ADARB2: variants seen among roughly 807,000 people sequenced by gnomAD.
The protein encoded by ADARB2 is inactive double-stranded RNA-specific editase B2.
ADARB2 carries 25 observed loss-of-function variants against 62.2 expected under a neutral mutation model. The ratio of observed to expected loss-of-function variants is 0.40; its 90% CI spans 0.29 to 0.56. The LOEUF is 0.56. ADARB2 is among the 20% of genes least tolerant of loss of function. The pLI, the probability that ADARB2 is intolerant of heterozygous loss-of-function variation, is 0.43. For synonymous variants in ADARB2, 572 were observed against 500.8 expected (o/e 1.14, Z -1.90); for missense variants, 1,071 against 1,077.4 (o/e 0.99, Z 0.08).
chr10:1,373,761 GCACCTTTCCTAATGAGACCACGTGGA>G (rs1832395374), intron 2 of ADARB2, among the ~76,000 whole-genome samples: 1 of 73,196 alleles, frequency 1.4e-5, no homozygotes, highest in South Asian at 4.1e-4. Context: ...TGGACTCCAT[GCACCTTTCCTAATGAGACCACGTGGA>G]CTCCGCGCAC....
At chr10:1,443,980 T>C (rs111643614) in intron 1 of ADARB2, among the ~76,000 whole-genome samples, 13 of 151,574 alleles carry the variant, frequency 8.6e-5, no homozygotes, top group African/African-American at 3.2e-4. Flanking sequence ...CATCCATCCA[T>C]CCACCCACTC....
Position 1,250,319 on chromosome 10 carries a change from G to A in ADARB2, c.1193-8020C>T, listed in dbSNP as rs1274641650. ...AGTGTGGCGGTGTTGGGGGGTGATGGGACCTAGTGGGAGGTGTTTGGGTCA... is the reference window on the plus strand; with the variant it reads ...AGTGTGGCGGTGTTGGGGGGTGATGAGACCTAGTGGGAGGTGTTTGGGTCA... On this transcript the variant is annotated intron_variant, in intron 4 of 9. Transcript: ENST00000381312. Among the ~76,000 whole-genome samples, 6 of 152,166 alleles carry A rather than the reference G, an allele frequency of 3.9e-5. No homozygotes were observed. The East Asian group carries it at 1.2e-3, about 30-fold the overall frequency.
intron 1 of ADARB2, among the ~76,000 whole-genome samples, chr10:1,649,966 G>T (rs755156552): frequency 5.9e-5 from 9 of 152,218 alleles, no homozygotes; most frequent in Non-Finnish European, 1.2e-4. Context: ...AGGACCTGGA[G>T]GTCCTGCTTC....
intron 1 of ADARB2, among the ~76,000 whole-genome samples, chr10:1,627,647 G>A (rs1233419227): frequency 6.6e-6 from 1 of 152,188 alleles, no homozygotes; most frequent in Non-Finnish European, 1.5e-5. Flanking sequence ...CATAAGAAAT[G>A]GAGATGCAGA....
chr10:1,265,562 G>A (rs956260831), intron 4 of ADARB2, among the ~76,000 whole-genome samples: 3 of 148,024 alleles, frequency 2.0e-5, no homozygotes, highest in South Asian at 2.1e-4. Context: ...AGGCTCTCCC[G>A]GAAGACGGCC....
intron 1 of ADARB2, among the ~76,000 whole-genome samples, chr10:1,720,494 T>C (rs78856579): frequency 0.025 from 3,738 of 152,274 alleles, 128 homozygotes; most frequent in East Asian, 0.16. Context: ...AACTCACACA[T>C]GTTAACTGAA....
chr10:1,473,247 C>A (rs1461968450), intron 1 of ADARB2, among the ~76,000 whole-genome samples: 3 of 152,234 alleles, frequency 2.0e-5, no homozygotes, highest in Non-Finnish European at 4.4e-5. Flanking sequence ...GCCTCGGTCT[C>A]TTCTTCTGCC....
At chr10:1,561,548 G>A (rs1832786409) in intron 1 of ADARB2, among the ~76,000 whole-genome samples, 1 of 152,198 alleles carries the variant, frequency 6.6e-6, no homozygotes, top group African/African-American at 2.4e-5. Context: ...TGTTCACCCA[G>A]GCTGAGAACC....
At chr10:1,721,970 C>T (rs544645812) in intron 1 of ADARB2, among the ~76,000 whole-genome samples, 8 of 152,118 alleles carry the variant, frequency 5.3e-5, no homozygotes, top group South Asian at 4.2e-4. Flanking sequence ...CACCAAGAAT[C>T]GGGGATTTGT....
At chr10:1,655,491 G>T (rs1422382075) in intron 1 of ADARB2, among the ~76,000 whole-genome samples, 1 of 152,186 alleles carries the variant, frequency 6.6e-6, no homozygotes, top group Non-Finnish European at 1.5e-5. Flanking sequence ...TACCTAATTT[G>T]CTATTGATTA....
chr10:1,513,134 A>G (rs1283475888), intron 1 of ADARB2, among the ~76,000 whole-genome samples: 5 of 152,220 alleles, frequency 3.3e-5, no homozygotes, highest in Admixed American at 6.5e-5. Flanking sequence ...GTTTGACTGT[A>G]GTGTTCATTT....
chr10:1,453,553 C>T (rs543952827), intron 1 of ADARB2, among the ~76,000 whole-genome samples: 3 of 152,176 alleles, frequency 2.0e-5, no homozygotes, highest in African/African-American at 7.2e-5. Flanking sequence ...GTACCCTTTT[C>T]GAAAAGGCAA....
chr10:1,558,885 G>A (rs1318745384), intron 1 of ADARB2, among the ~76,000 whole-genome samples: 2 of 152,208 alleles, frequency 1.3e-5, no homozygotes, highest in African/African-American at 2.4e-5. Context: ...AGCATAACAT[G>A]CATGTGTTTC....
Position 1,332,408 on chromosome 10 carries a change from C to T in ADARB2, c.1077+30620G>A, listed in dbSNP as rs546279299. Among the ~76,000 whole-genome samples the T allele has an allele frequency of 2.1e-5, 3 of 142,056 alleles. No individual in the cohort carries two copies. The South Asian group carries it at 6.7e-4, about 32-fold the overall frequency. 93.2% of individuals were successfully genotyped at this position (142,056 alleles called of 152,430 possible). On this transcript the variant is annotated intron_variant, in intron 3 of 9. Transcript: ENST00000381312. ...TCCAGTCTGGGTGATGGAGTGAGAC[C>T]TTGTCTCAGAAAAAAAAAAAAAATA...
chr10:1,317,526 G>C (rs757907229), intron 3 of ADARB2, among the ~76,000 whole-genome samples: 4 of 152,096 alleles, frequency 2.6e-5, no homozygotes, highest in Non-Finnish European at 4.4e-5. Context: ...GGCTCTGGGA[G>C]AGTCTTATAT....
At chr10:1,667,958 G>T (rs1031931460) in intron 1 of ADARB2, among the ~76,000 whole-genome samples, 2 of 152,204 alleles carry the variant, frequency 1.3e-5, no homozygotes, top group African/African-American at 4.8e-5. Flanking sequence ...AATATGTTGG[G>T]TGAGAACATT....
At chr10:1,661,206 G>T (rs933428555) in intron 1 of ADARB2, among the ~76,000 whole-genome samples, 27 of 152,238 alleles carry the variant, frequency 1.8e-4, no homozygotes, top group African/African-American at 6.0e-4. Flanking sequence ...CACTTTTCAT[G>T]TTTCCTTTCT....
intron 1 of ADARB2, among the ~76,000 whole-genome samples, chr10:1,539,681 G>C (rs2676177): frequency 6.6e-6 from 1 of 152,148 alleles, no homozygotes; most frequent in Non-Finnish European, 1.5e-5. Context: ...TGACAATTTT[G>C]CTTTTATTTA....
At chr10:1,493,594 T>G (rs966013265) in intron 1 of ADARB2, among the ~76,000 whole-genome samples, 13 of 152,254 alleles carry the variant, frequency 8.5e-5, no homozygotes, top group African/African-American at 3.1e-4. Context: ...ATTCTTTCCT[T>G]AATTTACCAA....
Sources: gnomAD v4.1 joint callset for allele counts (sites outside exome capture counted in the v4.1 genomes callset) on GRCh38, gnomAD v4.1.1 for gene constraint, MANE v1.5 for transcripts, NCBI Gene and HGNC (gene_info 2026-07-23, HGNC 2026-07-21) for gene names.